Variants in RBFOX1 observed in about 807,000 individuals in gnomAD.
RBFOX1 encodes the protein RNA binding protein fox-1 homolog 1.
In RBFOX1, 8 loss-of-function variants were observed where a neutral mutation model predicts 57.7. That is an observed-to-expected ratio of 0.14 (90% CI 0.08 to 0.25). The LOEUF is 0.25. RBFOX1 is among the 10% of genes least tolerant of loss of function. The pLI, the probability that RBFOX1 is intolerant of heterozygous loss-of-function variation, is 1.00. For missense variants in RBFOX1, 611 were observed against 548.5 expected (o/e 1.11, Z -1.14); for synonymous variants, 326 against 222.4 (o/e 1.47, Z -4.15).
At chr16:5,390,477 C>T (rs145633146) in intron 1 of RBFOX1, among the ~76,000 whole-genome samples, 10 of 151,654 alleles carry the variant, frequency 6.6e-5, no homozygotes, top group Admixed American at 2.0e-4. Context: ...TTCGTAGAGA[C>T]GGGGTTTCAC....
At chr16:6,523,647 A>G (rs1292902917) in intron 2 of RBFOX1, among the ~76,000 whole-genome samples, 1 of 152,204 alleles carries the variant, frequency 6.6e-6, no homozygotes, top group Admixed American at 6.5e-5. Flanking sequence ...ATCTTCAAAT[A>G]CATCATAAGT....
At chr16:5,694,734 C>G (rs1336698536) in intron 3 of RBFOX1, among the ~76,000 whole-genome samples, 2 of 151,778 alleles carry the variant, frequency 1.3e-5, no homozygotes, top group Non-Finnish European at 2.9e-5. Context: ...CAGCCCCCAA[C>G]CCCACTATCA....
chr16:6,832,825 G>C (rs922581696), intron 3 of RBFOX1, among the ~76,000 whole-genome samples: 1 of 152,316 alleles, frequency 6.6e-6, no homozygotes, highest in Admixed American at 6.5e-5. Context: ...TTCATTTATT[G>C]ATTAAATAGT....
Position 7,441,873 on chromosome 16 carries a change from G to A in RBFOX1, c.28-76274G>A, listed in dbSNP as rs369125283. ...CTGGCTGTCACAGGCATTTGCCTCC[G>A]TAGTGCTCTCCTCCCACCCTTCCAC... is the stretch of plus-strand genomic sequence containing the variant. On this transcript the variant is annotated intron_variant, in intron 4 of 15. Transcript: ENST00000550418. Among the ~76,000 whole-genome samples, 9 of 152,154 alleles carry A rather than the reference G, an allele frequency of 5.9e-5. No individual in the cohort carries two copies. The South Asian group carries it at 6.2e-4, about 11-fold the overall frequency.
At chr16:6,873,235 C>T (rs552837306) in intron 3 of RBFOX1, among the ~76,000 whole-genome samples, 7 of 151,798 alleles carry the variant, frequency 4.6e-5, no homozygotes, top group South Asian at 4.2e-4. Context: ...TGTAAATAAA[C>T]GTATGAAATG....
chr16:5,793,630 A>T (rs1379400515), intron 3 of RBFOX1, among the ~76,000 whole-genome samples: 1 of 152,190 alleles, frequency 6.6e-6, no homozygotes, highest in Non-Finnish European at 1.5e-5. Flanking sequence ...AGCAGTGCTC[A>T]CAAAGCAGTG....
chr16:6,582,844 A>T (rs1010163807), intron 2 of RBFOX1, among the ~76,000 whole-genome samples: 2 of 103,232 alleles, frequency 1.9e-5, no homozygotes, highest in African/African-American at 3.1e-5. Flanking sequence ...GTTGGAGTTC[A>T]TTTCAACAGA....
intron 4 of RBFOX1, among the ~76,000 whole-genome samples, chr16:7,234,107 A>G (rs546581503): frequency 6.6e-6 from 1 of 152,140 alleles, no homozygotes; most frequent in African/African-American, 2.4e-5. Context: ...TTTTCATTGC[A>G]TTCAGCTCTA....
At chr16:5,847,811 A>G (rs1335409815) in intron 3 of RBFOX1, among the ~76,000 whole-genome samples, 1 of 152,120 alleles carries the variant, frequency 6.6e-6, no homozygotes, top group Admixed American at 6.5e-5. Flanking sequence ...CAATGAAATG[A>G]AGACTGTAGG....
intron 9 of RBFOX1, 130 bp downstream of exon 9, chr16:7,597,561 C>A: frequency 1.4e-6 from 1 of 696,354 alleles, no homozygotes; most frequent in Non-Finnish European, 2.3e-6. Context: ...TACTGACCTG[C>A]TACAGTGAAC....
intron 3 of RBFOX1, among the ~76,000 whole-genome samples, chr16:6,893,123 C>G (rs893048938): frequency 2.0e-5 from 3 of 152,156 alleles, no homozygotes; most frequent in East Asian, 3.9e-4. Context: ...CAGGAGCTCA[C>G]TGTCTGCAGA....
chr16:5,447,737 C>G (rs929611568), intron 1 of RBFOX1, among the ~76,000 whole-genome samples: 2 of 152,206 alleles, frequency 1.3e-5, no homozygotes, highest in African/African-American at 4.8e-5. Context: ...TCATCAGCTT[C>G]TCTCAGCACG....
At position 6,995,019 on chromosome 16, in the gene RBFOX1, A is replaced by G. The variant is rs779485572; in HGVS notation, c.-15-57038A>G. Among the ~76,000 whole-genome samples, 15 of 149,222 alleles carry G rather than the reference A, an allele frequency of 1.0e-4. 1 individual carries two copies. The Admixed American group carries it at 1.0e-3, about 10-fold the overall frequency. Reference sequence around the variant, plus strand: ...TGTGTTTGCATACGTGTGTATATGGATATATATGTGCCAGGTATTAGGCTG... The same window carrying G: ...TGTGTTTGCATACGTGTGTATATGGGTATATATGTGCCAGGTATTAGGCTG... On this transcript the variant is annotated intron_variant, in intron 3 of 15. Transcript: ENST00000550418.
At chr16:7,339,116 A>G (rs1451574760) in intron 4 of RBFOX1, among the ~76,000 whole-genome samples, 2 of 152,176 alleles carry the variant, frequency 1.3e-5, no homozygotes, top group African/African-American at 2.4e-5. Context: ...AGGCTCTGGC[A>G]TTTACTAAGC....
chr16:6,611,945 C>T (rs1004484861), intron 2 of RBFOX1, among the ~76,000 whole-genome samples: 1 of 152,044 alleles, frequency 6.6e-6, no homozygotes, highest in Non-Finnish European at 1.5e-5. Flanking sequence ...CTGCAGTCAC[C>T]TCTTCCTCAA....
intron 4 of RBFOX1, among the ~76,000 whole-genome samples, chr16:7,139,431 G>A (rs1226963019): frequency 2.0e-5 from 3 of 152,108 alleles, no homozygotes; most frequent in Non-Finnish European, 2.9e-5. Flanking sequence ...GAGACAAAGA[G>A]GGTCCTATAT....
intron 2 of RBFOX1, among the ~76,000 whole-genome samples, chr16:6,487,703 ATATATATATATAT>A (rs2095533140): frequency 1.0e-3 from 5 of 4,780 alleles, no homozygotes; most frequent in African/African-American, 3.3e-3. Flanking sequence ...AAAAAAAAAT[ATATATATATATAT>A]ATATATATAT....
At chr16:7,038,759 TTGTC>T (rs2045279320) in intron 3 of RBFOX1, among the ~76,000 whole-genome samples, 1 of 152,150 alleles carries the variant, frequency 6.6e-6, no homozygotes, top group African/African-American at 2.4e-5. Flanking sequence ...TGCTCAATGT[TTGTC>T]TGTCTGATTA....
At chr16:6,555,992 C>T (rs939707689) in intron 2 of RBFOX1, among the ~76,000 whole-genome samples, 1 of 152,146 alleles carries the variant, frequency 6.6e-6, no homozygotes, top group Non-Finnish European at 1.5e-5. Flanking sequence ...TTGGAACCGA[C>T]TACATTTTTT....
Sources: gnomAD v4.1 joint callset for allele counts (sites outside exome capture counted in the v4.1 genomes callset) on GRCh38, gnomAD v4.1.1 for gene constraint, MANE v1.5 for transcripts, NCBI Gene and HGNC (gene_info 2026-07-23, HGNC 2026-07-21) for gene names.